The following CFLAR variants were observed in gnomAD, a reference collection of about 807,000 sequenced individuals.
CFLAR encodes CASP8 and FADD like apoptosis regulator.
A neutral mutation model predicts 51.1 loss-of-function variants in CFLAR; 14 were observed. The ratio of observed to expected loss-of-function variants is 0.27; its 90% CI spans 0.18 to 0.43. CFLAR has a LOEUF of 0.43. Among genes scored for constraint, CFLAR ranks in the 20% least tolerant of loss-of-function variants. The pLI, the probability that CFLAR is intolerant of heterozygous loss-of-function variation, is 1.00. For synonymous variants in CFLAR, 210 were observed against 211.6 expected, an observed-to-expected ratio of 0.99 and a Z score of 0.06; for missense variants, 390 against 566.5, an observed-to-expected ratio of 0.69 and a Z score of 3.16.
rs1470913209 is a variant in CFLAR, at chr2:201,175,493, A to T, written c.*11520A>T. 6.6e-6 allele frequency: 1 copy of T among 152,564 alleles called. No individual in the cohort carries two copies. Among genetic ancestry groups the T allele is most frequent in the Non-Finnish European group, 1.5e-5 (1 of 68,366 alleles). 9.5% of individuals were successfully genotyped at this position (152,564 alleles called of 1,614,324 possible). On this transcript the variant is annotated 3_prime_UTR_variant, in exon 10 of 10. Transcript: ENST00000309955. ...ACAAAAATTAGCTGGGTATGGTAGC[A>T]TGCGCCTGTAGTACCAGCTACTCGG...
chr2:201,162,718 C>T, intron 9 of CFLAR: 1 of 280,598 alleles, frequency 3.6e-6, no homozygotes. Context: ...AGGACAGGCA[C>T]CCCTCTATCC....
chr2:201,153,731 T>C (rs1941665625), intron 8 of CFLAR: 1 of 151,952 alleles, frequency 6.6e-6, no homozygotes, highest in Non-Finnish European at 1.5e-5. Flanking sequence ...GTGCTCAGAG[T>C]ATATAATTTA....
intron 8 of CFLAR, among the ~76,000 whole-genome samples, chr2:201,155,743 C>T (rs1407071433): frequency 6.6e-6 from 1 of 152,048 alleles, no homozygotes; most frequent in African/African-American, 2.4e-5. Context: ...CTCACCTCAC[C>T]CTCCCAAGTA....
intron 1 of CFLAR, among the ~76,000 whole-genome samples, chr2:201,126,474 G>C (rs1448567769): frequency 1.3e-5 from 2 of 152,246 alleles, no homozygotes; most frequent in Non-Finnish European, 2.9e-5. Flanking sequence ...AAACAGCCAA[G>C]ATGGAGTCTG....
chr2:201,136,049 C>T lies in CFLAR; in HGVS notation c.465C>T (p.Cys155=). Residue 155 remains cysteine (C), a synonymous_variant, in exon 4 of 10, where the codon TGC becomes TGT. Coordinates refer to ENST00000309955, the MANE Select transcript of CFLAR (RefSeq NM_003879.7). The part of the protein sequence containing the change: ...APDQLDLLEK[C]LKNIHRIDLK... ...ATCAACTGGATTTATTAGAAAAATG[C>T]CTAAAGAACATCCACAGAATAGACC... 6.2e-7 allele frequency: 1 copy of T among 1,613,850 alleles called. No individual in the cohort carries two copies. The highest frequency in any genetic ancestry group is 1.1e-5 in the South Asian group (1 of 91,066).
chr2:201,138,753 C>T lies in CFLAR; in HGVS notation c.524-1604C>T. On this transcript the variant is annotated intron_variant, in intron 4 of 9. Transcript: ENST00000309955. This position sits in a 1 kb window ranked among gnomAD's most constrained non-coding sequence, Gnocchi z 4.0. The stretch of plus-strand genomic sequence containing the variant: ...AAACTTCTTGACCTTCTGCACCTCA[C>T]TGGCCTGGAACTCTGGGGTGCAGTT... The T allele has an allele frequency of 1.3e-6, 1 of 774,028 alleles. No individual in the cohort carries two copies. The highest frequency in any genetic ancestry group is 2.4e-6 in the Non-Finnish European group (1 of 423,700). The allele number at this position is 774,028 out of a possible 1,614,324, so 47.9% of individuals were successfully genotyped here.
At chr2:201,163,229 A>AT in intron 9 of CFLAR, 3 of 1,300,744 alleles carry the variant, frequency 2.3e-6, no homozygotes, top group East Asian at 2.9e-5. Context: ...TTATATAAAC[A>AT]TTTTTTTAAT....
At chr2:201,130,575 A>G (rs2049198864) in intron 2 of CFLAR, among the ~76,000 whole-genome samples, 1 of 151,854 alleles carries the variant, frequency 6.6e-6, no homozygotes, top group African/African-American at 2.4e-5. Flanking sequence ...CATGTTGGCC[A>G]GGCTGGTCTT....
chr2:201,139,806 G>A (rs947506021), intron 4 of CFLAR: 1 of 152,784 alleles, frequency 6.5e-6, no homozygotes, highest in African/African-American at 2.4e-5. Context: ...TAAATACTAA[G>A]GGAACTAAGA....
chr2:201,148,957 A>G, intron 6 of CFLAR, 46 bp from the exon 7 acceptor site: 1 of 1,360,242 alleles, frequency 7.4e-7, no homozygotes. Context: ...GGGTGGACTT[A>G]GCTCTCCTTC....
intron 5 of CFLAR, chr2:201,141,907 T>C (rs946138694): frequency 6.5e-6 from 1 of 152,716 alleles, no homozygotes; most frequent in African/African-American, 2.4e-5. Flanking sequence ...CTTTTGGCAG[T>C]GTTAACAGCT....
chr2:201,126,531 C>T (rs2048733305), intron 1 of CFLAR, among the ~76,000 whole-genome samples: 1 of 152,082 alleles, frequency 6.6e-6, no homozygotes, highest in South Asian at 2.1e-4. Flanking sequence ...GAAAACAAGG[C>T]TAAGTGATTA....
intron 8 of CFLAR, among the ~76,000 whole-genome samples, chr2:201,158,991 T>A (rs1575931603): frequency 6.7e-6 from 1 of 149,578 alleles, no homozygotes; most frequent in East Asian, 2.0e-4. Context: ...AATTCTCCTG[T>A]CTCAGCCTCC....
chr2:201,123,351 A>G (rs937264639), intron 1 of CFLAR, among the ~76,000 whole-genome samples: 1 of 152,188 alleles, frequency 6.6e-6, no homozygotes, highest in African/African-American at 2.4e-5. Context: ...AATTTATAAA[A>G]AACAAATTTA....
In CFLAR at chr2:201,138,563, A is replaced by G. The variant is rs1025516737; in HGVS notation, c.524-1794A>G. 6.3e-7 allele frequency: 1 copy of G among 1,595,992 alleles called. No homozygotes were observed. The highest frequency in any genetic ancestry group is 1.3e-5 in the African/African-American group (1 of 74,730). On this transcript the variant is annotated intron_variant, in intron 4 of 9. Transcript: ENST00000309955. This position sits in a 1 kb window ranked among gnomAD's most constrained non-coding sequence, Gnocchi z 4.0. ...GGGTGGTGTGGTCCTTCTCAGCAAG[A>G]AAGTCGATGTCTCGGGAGGTGACGA...
In CFLAR at chr2:201,168,015, G is replaced by C. The variant is rs186361905; in HGVS notation, c.*4042G>C. On this transcript the variant is annotated 3_prime_UTR_variant, in exon 10 of 10. Transcript: ENST00000309955. ...TCCCAGCCCTTTGGGAGGCCAAGGC[G>C]GGCGGATCACGAGGTCAGGAGATCA... The C allele has an allele frequency of 6.6e-6, 1 of 152,254 alleles. No individual in the cohort carries two copies. Among genetic ancestry groups the C allele is most frequent in the Non-Finnish European group, 1.5e-5 (1 of 68,090 alleles). 9.4% of individuals were successfully genotyped at this position (152,254 alleles called of 1,614,324 possible). A position where few individuals can be genotyped will look rare whatever the true frequency, so the allele number is the denominator to read the frequency against.
chr2:201,143,949 CAAAAAA>C lies in CFLAR; in HGVS notation c.607-1422_607-1417del, dbSNP rs376723498. Among the ~76,000 whole-genome samples, 171 of 132,680 alleles carry C rather than the reference CAAAAAA, an allele frequency of 1.3e-3. No homozygotes were observed. The East Asian group carries it at 0.027, about 21-fold the overall frequency. The allele number at this position is 132,680 out of a possible 152,430, so 87.0% of individuals were successfully genotyped here. A position where few individuals can be genotyped will look rare whatever the true frequency, so the allele number is the denominator to read the frequency against. On this transcript the variant is annotated intron_variant, in intron 5 of 9. Coordinates refer to ENST00000309955, the MANE Select transcript of CFLAR (RefSeq NM_003879.7). ...TGGGTGACAGAGTGAGACTCTGTCT[CAAAAAA>C]AAAAAAGAATTTAAAAATTATTTGG...
intron 4 of CFLAR, chr2:201,137,799 T>G: frequency 8.4e-7 from 1 of 1,187,682 alleles, no homozygotes; most frequent in Non-Finnish European, 1.2e-6. Context: ...GCTGCTCTTC[T>G]CCATGGCATC....
chr2:201,158,263 A>T (rs1190820222), intron 8 of CFLAR, among the ~76,000 whole-genome samples: 1 of 152,210 alleles, frequency 6.6e-6, no homozygotes, highest in African/African-American at 2.4e-5. Flanking sequence ...GCTCACAGTC[A>T]TGTGACAGGG....
Sources: gnomAD v4.1 joint callset for allele counts (sites outside exome capture counted in the v4.1 genomes callset) on GRCh38, gnomAD v4.1.1 for gene constraint, Gnocchi (gnomAD v3.1) non-coding constraint, MANE v1.5 for transcripts, NCBI Gene and HGNC (gene_info 2026-07-23, HGNC 2026-07-21) for gene names.